The following AUTS2 variants were observed in gnomAD, a reference collection of about 807,000 sequenced individuals.
The protein encoded by AUTS2 is autism susceptibility gene 2 protein.
Under a neutral mutation model 112.4 loss-of-function variants are expected in AUTS2, and 17 were observed. That is an observed-to-expected ratio of 0.15 (90% CI 0.10 to 0.23). The LOEUF is 0.23. AUTS2 is among the 10% of genes least tolerant of loss of function. The pLI is 1.00. For synonymous variants in AUTS2, 751 were observed against 702.7 expected (o/e 1.07, Z -1.09); for missense variants, 1,510 against 1,701.6 (o/e 0.89, Z 1.98).
rs182031755 is a variant in AUTS2 at position 70,388,238 on chromosome 7, G to C, written c.661-47514G>C. Among the ~76,000 whole-genome samples the C allele has an allele frequency of 2.6e-3, 394 of 152,254 alleles. 1 individual carries two copies. The highest frequency in any genetic ancestry group is 8.9e-3 in the African/African-American group (368 of 41,554). On this transcript the variant is annotated intron_variant, in intron 4 of 18. Coordinates refer to ENST00000342771, the MANE Select transcript of AUTS2 (RefSeq NM_015570.4). The stretch of plus-strand genomic sequence containing the variant: ...TTGATTTTCCAAAATTGTATGAGGT[G>C]GCGGGGGTGTGGAGGGTAGGAAAGG...
intron 6 of AUTS2, among the ~76,000 whole-genome samples, chr7:70,700,121 C>T (rs143809070): frequency 5.9e-5 from 9 of 152,176 alleles, no homozygotes; most frequent in African/African-American, 1.2e-4. Context: ...ATGAACAGCT[C>T]GCCTCTGCCT....
chr7:69,689,453 C>T (rs1228382781), intron 1 of AUTS2, among the ~76,000 whole-genome samples: 6 of 140,884 alleles, frequency 4.3e-5, no homozygotes, highest in East Asian at 2.1e-4. Flanking sequence ...TGGGTTCAAG[C>T]GATTCTTCTG....
rs547355135 is a variant in AUTS2 at position 70,102,411 on chromosome 7, C to T, written c.523-15721C>T. On this transcript the variant is annotated intron_variant, in intron 2 of 18. Transcript: ENST00000342771. ...GGGATTACAGGTGTGAGCCACCACA[C>T]CCAGCCTGCAGTGTTTACTTTTTAT... is the stretch of plus-strand genomic sequence containing the variant. Among the ~76,000 whole-genome samples, 16 of 152,164 alleles carry T rather than the reference C, an allele frequency of 1.1e-4. No homozygotes were observed. The East Asian group carries it at 3.1e-3, about 29-fold the overall frequency.
At chr7:70,087,772 A>G (rs953134880) in intron 2 of AUTS2, among the ~76,000 whole-genome samples, 1 of 152,158 alleles carries the variant, frequency 6.6e-6, no homozygotes. Context: ...TTTCTGAAGC[A>G]GTTTGTATAG....
chr7:70,165,545 G>A (rs1808336309), intron 4 of AUTS2, among the ~76,000 whole-genome samples: 1 of 152,128 alleles, frequency 6.6e-6, no homozygotes, highest in South Asian at 2.1e-4. Context: ...CTAGAATTCT[G>A]TATCCAGGAA....
intron 6 of AUTS2, among the ~76,000 whole-genome samples, chr7:70,711,487 C>A (rs1325160310): frequency 6.6e-6 from 1 of 152,210 alleles, no homozygotes; most frequent in Non-Finnish European, 1.5e-5. Context: ...GCTCGACATC[C>A]TGGGCTTCCA....
At chr7:69,988,575 G>A (rs2129551150) in intron 2 of AUTS2, among the ~76,000 whole-genome samples, 1 of 127,674 alleles carries the variant, frequency 7.8e-6, no homozygotes, top group Middle Eastern at 4.0e-3. Context: ...TCTGTTTTAT[G>A]CATTGCTTTT....
intron 4 of AUTS2, among the ~76,000 whole-genome samples, chr7:70,225,513 C>T (rs1213774907): frequency 6.6e-6 from 1 of 152,130 alleles, no homozygotes; most frequent in African/African-American, 2.4e-5. Context: ...TCTGGTGCTT[C>T]AGATGTTGAA....
At chr7:70,197,563 G>A (rs1463352557) in intron 4 of AUTS2, among the ~76,000 whole-genome samples, 5 of 113,722 alleles carry the variant, frequency 4.4e-5, no homozygotes, top group Admixed American at 1.9e-4. Flanking sequence ...CCCTTTCCGA[G>A]TCAAAGAAAG....
intron 4 of AUTS2, among the ~76,000 whole-genome samples, chr7:70,300,808 G>C (rs950262419): frequency 2.6e-5 from 4 of 152,118 alleles, no homozygotes; most frequent in African/African-American, 9.7e-5. Flanking sequence ...TTGGGATGTA[G>C]ACACATAATG....
intron 4 of AUTS2, among the ~76,000 whole-genome samples, chr7:70,346,181 A>G (rs1027879869): frequency 2.0e-5 from 3 of 152,186 alleles, no homozygotes; most frequent in East Asian, 3.9e-4. Context: ...ATGGAAATCT[A>G]CGTGTTTTTT....
intron 5 of AUTS2, among the ~76,000 whole-genome samples, chr7:70,560,145 C>G (rs1801421382): frequency 6.6e-6 from 1 of 152,170 alleles, no homozygotes; most frequent in African/African-American, 2.4e-5. Context: ...TTGGCTTGTT[C>G]TCTCACTTCA....
chr7:70,772,850 C>T (rs547705576), intron 11 of AUTS2, among the ~76,000 whole-genome samples: 2 of 152,362 alleles, frequency 1.3e-5, no homozygotes, highest in South Asian at 4.1e-4. Context: ...GTCTGCACCT[C>T]ACTACTCCCT....
intron 4 of AUTS2, among the ~76,000 whole-genome samples, chr7:70,262,866 A>G (rs1437645918): frequency 6.6e-6 from 1 of 152,164 alleles, no homozygotes; most frequent in East Asian, 1.9e-4. Flanking sequence ...TGGGTCACCA[A>G]GGGCCTGGAT....
intron 6 of AUTS2, among the ~76,000 whole-genome samples, chr7:70,760,220 T>A (rs1237841252): frequency 2.0e-5 from 3 of 152,212 alleles, no homozygotes; most frequent in Non-Finnish European, 4.4e-5. Context: ...TTAGCCAGGA[T>A]GGTCTCGATC....
intron 2 of AUTS2, among the ~76,000 whole-genome samples, chr7:70,027,492 C>G (rs1386252879): frequency 1.3e-5 from 2 of 152,112 alleles, no homozygotes; most frequent in African/African-American, 4.8e-5. Context: ...AGTGTGGTCC[C>G]CAGACCAGCA....
intron 1 of AUTS2, among the ~76,000 whole-genome samples, chr7:69,602,356 A>C (rs1308015906): frequency 6.6e-6 from 1 of 152,086 alleles, no homozygotes; most frequent in Non-Finnish European, 1.5e-5. Flanking sequence ...GCTGAATACT[A>C]TGTCACCTTC....
intron 6 of AUTS2, among the ~76,000 whole-genome samples, chr7:70,702,359 T>C (rs144074326): frequency 6.6e-6 from 1 of 152,276 alleles, no homozygotes; most frequent in African/African-American, 2.4e-5. Flanking sequence ...AGAGCCCTCC[T>C]TCCCAGGATT....
intron 2 of AUTS2, among the ~76,000 whole-genome samples, chr7:69,969,849 T>C (rs1181283505): frequency 6.6e-6 from 1 of 152,148 alleles, no homozygotes; most frequent in Non-Finnish European, 1.5e-5. Flanking sequence ...GTGATGTTTG[T>C]CCAAAACTAT....
Sources: allele counts gnomAD v4.1 joint callset (sites outside exome capture counted in the v4.1 genomes callset), GRCh38; gene constraint gnomAD v4.1.1; transcripts MANE v1.5; gene names NCBI Gene and HGNC (gene_info 2026-07-23, HGNC 2026-07-21).